Variants in TOP1MT observed in about 807,000 individuals in gnomAD.
TOP1MT encodes the protein DNA topoisomerase I, mitochondrial.
A neutral mutation model predicts 73.9 loss-of-function variants in TOP1MT; 80 were observed. The observed-to-expected ratio is 1.08, with a 90% CI of 0.90 to 1.30. TOP1MT has a LOEUF of 1.30. Among genes scored for constraint, TOP1MT ranks in the 50% most tolerant of loss-of-function variants. The probability of loss-of-function intolerance (pLI) is 0.00; values close to 1 mark genes in which losing one functional copy is unlikely to be tolerated. For synonymous variants in TOP1MT, 338 were observed against 326.4 expected (o/e 1.04, Z -0.38); for missense variants, 815 against 808.0 (o/e 1.01, Z -0.10).
In TOP1MT at chr8:143,325,476, C is replaced by T; in HGVS notation, c.541G>A (p.Gly181Ser). 6.2e-7 allele frequency: 1 copy of T among 1,613,326 alleles called. No individual in the cohort carries two copies. Among genetic ancestry groups the T allele is most frequent in the Non-Finnish European group, 8.5e-7 (1 of 1,179,338 alleles). The change falls in exon 5 of 14, where the codon GGT (glycine) becomes AGT (serine). Residue 181 changes from glycine to serine, a missense_variant. Gly to Ser is a moderately conservative substitution (Grantham distance 56). Transcript: ENST00000329245. ...AAGTTGCCTATTTTTTCTTGGTGAC[C>T]ATCTAAAATACAGTAGCCGAACTCT... is the stretch of plus-strand genomic sequence containing the variant. ...QQEFGYCILD[G>S]HQEKIGNFKI...
intron 3 of TOP1MT, among the ~76,000 whole-genome samples, chr8:143,326,845 T>G (rs1424298873): frequency 6.6e-6 from 1 of 152,212 alleles, no homozygotes; most frequent in African/African-American, 2.4e-5. Context: ...TACCGGGGAC[T>G]GGTCAGTTGT....
intron 3 of TOP1MT, chr8:143,327,718 TG>T: frequency 2.4e-6 from 1 of 418,158 alleles, no homozygotes; most frequent in South Asian, 1.7e-5. Flanking sequence ...GGGCAGCTGG[TG>T]CCACCTCACA....
chr8:143,346,334 T>A (rs942884505), upstream of TOP1MT, among the ~76,000 whole-genome samples: 1 of 152,200 alleles, frequency 6.6e-6, no homozygotes, highest in Non-Finnish European at 1.5e-5. Flanking sequence ...CATAGAGCAC[T>A]TTTACCACCC....
In TOP1MT at chr8:143,317,764, G is replaced by T; in HGVS notation, c.1289C>A (p.Ala430Asp). 6.2e-7 allele frequency: 1 copy of T among 1,614,142 alleles called. No individual in the cohort carries two copies. Among genetic ancestry groups the T allele is most frequent in the East Asian group, 2.2e-5 (1 of 44,882 alleles). Residue 430 changes from alanine (A) to aspartate (D), a missense_variant, in exon 10 of 14, where the codon GCC becomes GAC. Ala to Asp is a moderately radical substitution (Grantham distance 126). Transcript: ENST00000329245. ...CAGCTGCTCCTGCAGAGTGATGGAG[G>T]CGTTGTAGGTCCGGAACACCTTGGC... ...LTAKVFRTYNASITLQEQLRA... is the reference protein window; with the variant it reads ...LTAKVFRTYNDSITLQEQLRA...
At chr8:143,323,370 C>CCACA (rs1215809913) in intron 7 of TOP1MT, among the ~76,000 whole-genome samples, 1 of 130,790 alleles carries the variant, frequency 7.6e-6, no homozygotes, top group African/African-American at 3.1e-5. Flanking sequence ...CACAGGCACG[C>CCACA]CACACAGATG....
At chr8:143,337,191 C>T (rs772229600), upstream of TOP1MT, among the ~76,000 whole-genome samples, 9 of 152,102 alleles carry the variant, frequency 5.9e-5, no homozygotes, top group Non-Finnish European at 1.0e-4. Context: ...CTTTGGGAGG[C>T]CGAGACGGGC....
chr8:143,323,882 C>G, intron 7 of TOP1MT, 117 bp downstream of exon 7: 1 of 1,160,830 alleles, frequency 8.6e-7, no homozygotes, highest in Middle Eastern at 2.9e-4. Flanking sequence ...CCCCCCCCAT[C>G]AGAATGAGGT....
intron 10 of TOP1MT, 103 bp from the exon 11 acceptor site, chr8:143,316,229 TCACACAGG>T: frequency 6.5e-7 from 1 of 1,549,844 alleles, no homozygotes; most frequent in Non-Finnish European, 8.8e-7. Flanking sequence ...CCCCTTCCAC[TCACACAGG>T]CACCCACTGG....
At chr8:143,321,453 ACACACGCACGCCAC>A in intron 7 of TOP1MT, 67 bp from the exon 8 acceptor site, 1 of 790,350 alleles carries the variant, frequency 1.3e-6, no homozygotes, top group Non-Finnish European at 1.6e-6. Flanking sequence ...CGCACGCCAC[ACACACGCACGCCAC>A]ACACGCACGC....
At chr8:143,349,640 CT>C (rs112290042), upstream of TOP1MT, among the ~76,000 whole-genome samples, 13,985 of 145,964 alleles carry the variant, frequency 0.096, 701 homozygotes, top group Middle Eastern at 0.21. Context: ...CATCTGTACA[CT>C]TTTTTTTTTT....
chr8:143,322,477 CAG>C (rs778014436), intron 7 of TOP1MT, among the ~76,000 whole-genome samples: 66 of 125,118 alleles, frequency 5.3e-4, no homozygotes, highest in East Asian at 1.3e-3. Flanking sequence ...GCACGCCACA[CAG>C]GCACGCCACA....
chr8:143,358,963 T>C (rs943688814), upstream of TOP1MT, among the ~76,000 whole-genome samples: 1 of 152,192 alleles, frequency 6.6e-6, no homozygotes, highest in Non-Finnish European at 1.5e-5. Context: ...ATCATGTTCA[T>C]GTTTTTTAAA....
intron 10 of TOP1MT, among the ~76,000 whole-genome samples, chr8:143,316,890 C>A (rs1355458697): frequency 6.6e-6 from 1 of 152,228 alleles, no homozygotes; most frequent in Non-Finnish European, 1.5e-5. Flanking sequence ...CACCCAGAAT[C>A]TTCTGCCTCC....
At chr8:143,359,537 A>AG (rs1343601041), upstream of TOP1MT, 8 of 482,558 alleles carry the variant, frequency 1.7e-5, no homozygotes, top group South Asian at 9.5e-5. Flanking sequence ...AGCGATGAGG[A>AG]GGGGTGGGGC....
chr8:143,342,728 AGAGACAGAGTCTCGCTCTG>A (rs1322216968), intron 2 of TOP1MT, among the ~76,000 whole-genome samples: 1,656 of 97,168 alleles, frequency 0.017, 48 homozygotes, highest in Non-Finnish European at 0.021. Context: ...TATTATTATT[AGAGACAGAGTCTCGCTCTG>A]TTATTATTAT....
intron 13 of TOP1MT, 74 bp from the exon 14 acceptor site, chr8:143,309,617 A>G: frequency 6.3e-7 from 1 of 1,597,172 alleles, no homozygotes; most frequent in Non-Finnish European, 8.5e-7. Flanking sequence ...GTGCTCGGCA[A>G]GGGCGAGCGT....
intron 8 of TOP1MT, 62 bp from the exon 9 acceptor site, chr8:143,318,148 G>A (rs1042153803): frequency 9.8e-6 from 15 of 1,524,292 alleles, no homozygotes; most frequent in Admixed American, 6.7e-5. Flanking sequence ...AGGACCTGAA[G>A]GGCGTCTACG....
At chr8:143,356,507 T>C (rs1817409533), upstream of TOP1MT, among the ~76,000 whole-genome samples, 1 of 152,216 alleles carries the variant, frequency 6.6e-6, no homozygotes, top group Non-Finnish European at 1.5e-5. Context: ...AAAAGGTTCA[T>C]CCAGGTGCAG....
intron 8 of TOP1MT, among the ~76,000 whole-genome samples, chr8:143,318,336 T>C (rs1320439423): frequency 6.6e-6 from 1 of 152,178 alleles, no homozygotes; most frequent in Non-Finnish European, 1.5e-5. Flanking sequence ...GCAAACCCCC[T>C]GGGTGACCGC....
Sources: gnomAD v4.1 joint callset for allele counts (sites outside exome capture counted in the v4.1 genomes callset) on GRCh38, gnomAD v4.1.1 for gene constraint, MANE v1.5 for transcripts, NCBI Gene and HGNC (gene_info 2026-07-23, HGNC 2026-07-21) for gene names.